Variants in ERBB4 observed in about 807,000 individuals in gnomAD.
The protein encoded by ERBB4 is erb-b2 receptor tyrosine kinase 4, also known as receptor tyrosine-protein kinase erbB-4.
A neutral mutation model predicts 158.0 loss-of-function variants in ERBB4; 42 were observed. The observed-to-expected ratio is 0.27, with a 90% confidence interval of 0.21 to 0.34. ERBB4 has a LOEUF of 0.34. Among genes scored for constraint, ERBB4 ranks in the 10% least tolerant of loss-of-function variants. The probability of loss-of-function intolerance (pLI) is 1.00; values close to 1 mark genes in which losing one functional copy is unlikely to be tolerated. For synonymous variants in ERBB4, 583 were observed against 558.7 expected (o/e 1.04, Z -0.61); for missense variants, 1,333 against 1,624.1 (o/e 0.82, Z 3.08).
At position 212,077,737 on chromosome 2, in the gene ERBB4, A is replaced by G. The variant is rs556844539; in HGVS notation, c.234+47015T>C. On this transcript the variant is annotated intron_variant, in intron 2 of 27. Coordinates refer to ENST00000342788, the MANE Select transcript of ERBB4 (RefSeq NM_005235.3). Reference sequence around the variant, plus strand: ...ATACTTTGTGATAATTGATGAATTTAACATTTATGCTTATTGCACATTTCT... The same window carrying G: ...ATACTTTGTGATAATTGATGAATTTGACATTTATGCTTATTGCACATTTCT... Among the ~76,000 whole-genome samples the G allele has an allele frequency of 1.9e-4, 29 of 152,192 alleles. No individual in the cohort carries two copies. In the South Asian group the frequency reaches 4.8e-3, roughly 25 times the overall value.
chr2:212,059,471 G>A (rs1264546545), intron 2 of ERBB4, among the ~76,000 whole-genome samples: 2 of 152,116 alleles, frequency 1.3e-5, no homozygotes. Context: ...CCAAAAAAGA[G>A]CCCACATTGC....
chr2:211,944,215 C>T (rs80107885), intron 3 of ERBB4, among the ~76,000 whole-genome samples: 81,785 of 109,800 alleles, frequency 0.74, 30,474 homozygotes, highest in Non-Finnish European at 0.78. Context: ...TATATATATA[C>T]ACACACACAC....
intron 20 of ERBB4, among the ~76,000 whole-genome samples, chr2:211,463,036 G>A (rs1316740343): frequency 2.6e-5 from 4 of 152,046 alleles, no homozygotes; most frequent in Non-Finnish European, 4.4e-5. Flanking sequence ...TAGTTAGAAT[G>A]AGTAAATTAG....
intron 3 of ERBB4, among the ~76,000 whole-genome samples, chr2:211,882,313 G>A (rs1050577477): frequency 1.3e-5 from 2 of 152,130 alleles, no homozygotes; most frequent in Non-Finnish European, 2.9e-5. Context: ...GGACTAAATG[G>A]CTGGTATCAT....
At chr2:212,450,465 G>A (rs780932197) in intron 1 of ERBB4, among the ~76,000 whole-genome samples, 4 of 152,148 alleles carry the variant, frequency 2.6e-5, no homozygotes, top group Non-Finnish European at 5.9e-5. Context: ...GGAGTGATGA[G>A]ATTGCTGACT....
intron 2 of ERBB4, among the ~76,000 whole-genome samples, chr2:212,102,776 C>T (rs1239920980): frequency 6.6e-6 from 1 of 152,074 alleles, no homozygotes; most frequent in East Asian, 1.9e-4. Context: ...TCAACAGAAC[C>T]TCTTCCACTC....
chr2:211,541,033 A>G (rs766192750), intron 20 of ERBB4, among the ~76,000 whole-genome samples: 7 of 151,854 alleles, frequency 4.6e-5, no homozygotes, highest in Non-Finnish European at 1.0e-4. Flanking sequence ...GGAGGTGTCA[A>G]TTTGCTCTCT....
intron 20 of ERBB4, among the ~76,000 whole-genome samples, chr2:211,550,131 C>A (rs2067045649): frequency 6.6e-6 from 1 of 151,842 alleles, no homozygotes. Context: ...ATAAACGTAT[C>A]CTTCACCTCA....
intron 3 of ERBB4, among the ~76,000 whole-genome samples, chr2:211,909,603 A>T (rs1468261373): frequency 1.3e-5 from 2 of 151,770 alleles, no homozygotes; most frequent in African/African-American, 4.8e-5. Flanking sequence ...AAAATATGGT[A>T]TAAAAGGTTA....
At chr2:211,728,976 A>C (rs1289810960) in intron 5 of ERBB4, among the ~76,000 whole-genome samples, 1 of 151,828 alleles carries the variant, frequency 6.6e-6, no homozygotes, top group Non-Finnish European at 1.5e-5. Flanking sequence ...TCTCTCATTG[A>C]GTACACTATT....
chr2:211,404,897 T>G (rs2063117664), intron 25 of ERBB4, among the ~76,000 whole-genome samples: 1 of 152,090 alleles, frequency 6.6e-6, no homozygotes, highest in African/African-American at 2.4e-5. Context: ...AATCTGGATG[T>G]GAGTTATTTT....
At chr2:211,915,111 A>C (rs1044242474) in intron 3 of ERBB4, among the ~76,000 whole-genome samples, 4 of 152,138 alleles carry the variant, frequency 2.6e-5, no homozygotes, top group African/African-American at 9.7e-5. Flanking sequence ...CTGTCCAACT[A>C]TGCCAATTTT....
At chr2:212,104,538 T>C (rs1300706534) in intron 2 of ERBB4, among the ~76,000 whole-genome samples, 2 of 152,086 alleles carry the variant, frequency 1.3e-5, no homozygotes, top group African/African-American at 4.8e-5. Flanking sequence ...GTAAATACAT[T>C]GGGTCATTAC....
At chr2:211,610,985 C>T (rs919786974) in intron 19 of ERBB4, among the ~76,000 whole-genome samples, 7 of 152,118 alleles carry the variant, frequency 4.6e-5, no homozygotes, top group Admixed American at 3.3e-4. Flanking sequence ...GAATGCAAAA[C>T]TTGTCAAGCA....
At chr2:212,143,989 G>A (rs567937297) in intron 1 of ERBB4, among the ~76,000 whole-genome samples, 84 of 151,234 alleles carry the variant, frequency 5.6e-4, no homozygotes, top group South Asian at 1.7e-3. Flanking sequence ...ACTGCATTCC[G>A]GCCTGGGCGA....
intron 19 of ERBB4, among the ~76,000 whole-genome samples, chr2:211,563,479 C>T (rs190598659): frequency 1.8e-4 from 27 of 152,028 alleles, no homozygotes; most frequent in Admixed American, 1.4e-3. Flanking sequence ...TTAGGAGAAA[C>T]GTAAAAGAAG....
chr2:211,965,531 C>A (rs567356372), intron 2 of ERBB4, among the ~76,000 whole-genome samples: 1 of 151,988 alleles, frequency 6.6e-6, no homozygotes, highest in South Asian at 2.1e-4. Flanking sequence ...CTTCAAAGAC[C>A]GGAGTACAAG....
chr2:211,568,066 C>T (rs1489696943), intron 19 of ERBB4, among the ~76,000 whole-genome samples: 1 of 151,964 alleles, frequency 6.6e-6, no homozygotes, highest in Non-Finnish European at 1.5e-5. Context: ...GGAATAAATA[C>T]AACCTGACAG....
chr2:211,960,879 G>A (rs1392766525), intron 2 of ERBB4: 1 of 152,076 alleles, frequency 6.6e-6, no homozygotes, highest in East Asian at 1.9e-4. Flanking sequence ...CTTGTAAGGT[G>A]TTCCAACGAA....
Sources: allele counts gnomAD v4.1 joint callset (sites outside exome capture counted in the v4.1 genomes callset), GRCh38; gene constraint gnomAD v4.1.1; transcripts MANE v1.5; gene names NCBI Gene and HGNC (gene_info 2026-07-23, HGNC 2026-07-21).